HEXB: variants seen among roughly 807,000 people sequenced by gnomAD.
HEXB encodes the protein hexosaminidase subunit beta.
Under a neutral mutation model 71.2 loss-of-function variants are expected in HEXB, and 51 were observed. The observed-to-expected ratio is 0.72, with a 90% CI of 0.57 to 0.90. The LOEUF (loss-of-function observed/expected upper bound fraction) is 0.90. HEXB is among the 40% of genes least tolerant of loss of function. The probability of loss-of-function intolerance (pLI) is 0.00; values close to 1 mark genes in which losing one functional copy is unlikely to be tolerated. For missense variants in HEXB, 617 were observed against 677.0 expected (o/e 0.91, Z 0.98); for synonymous variants, 266 against 249.3 (o/e 1.07, Z -0.63).
chr5:74,715,433 T>C (rs1230783002), intron 7 of HEXB, 77 bp from the exon 8 acceptor site: 1 of 962,032 alleles, frequency 1.0e-6, no homozygotes, highest in Admixed American at 1.9e-5. Flanking sequence ...TAAAATGACG[T>C]AGTAAAATCA....
chr5:74,666,964 G>C (rs1296164225), intron 1 of HEXB, among the ~76,000 whole-genome samples: 1 of 152,038 alleles, frequency 6.6e-6, no homozygotes, highest in Non-Finnish European at 1.5e-5. Context: ...GTTTTTCTAT[G>C]TTGCTATTTT....
intron 1 of HEXB, among the ~76,000 whole-genome samples, chr5:74,644,840 C>T (rs1476699200): frequency 3.3e-5 from 4 of 120,352 alleles, no homozygotes; most frequent in Non-Finnish European, 4.8e-5. Context: ...GGCGCAATCT[C>T]GGCTCACTAC....
intron 5 of HEXB, among the ~76,000 whole-genome samples, chr5:74,703,971 G>A (rs773669281): frequency 8.5e-5 from 13 of 152,188 alleles, no homozygotes; most frequent in Non-Finnish European, 1.8e-4. Context: ...GAGCCACCGT[G>A]TCTGGCCTCA....
chr5:74,689,361 G>A lies in HEXB; in HGVS notation c.333G>A (p.Trp111Ter), dbSNP rs761117459. ...GCTATATTTTTGGTTTCTACAAGTG[G>A]CATCATGAACCTGCTGAATTCCAGG... ...YHGYIFGFYK[W>*]HHEPAEFQAK... The change falls in exon 2 of 14, where the codon TGG becomes TGA. Residue 111 changes from tryptophan to a stop codon, truncating the protein, a stop_gained. Coordinates refer to ENST00000261416, the MANE Select transcript of HEXB (RefSeq NM_000521.4). LOFTEE classifies it high-confidence loss of function. 3.7e-6 allele frequency: 6 copies of A among 1,613,032 alleles called. No individual in the cohort carries two copies. The African/African-American group carries it at 4.0e-5, about 11-fold the overall frequency.
chr5:74,645,732 T>G (rs1171041814), intron 1 of HEXB, among the ~76,000 whole-genome samples: 1 of 152,214 alleles, frequency 6.6e-6, no homozygotes, highest in Non-Finnish European at 1.5e-5. Flanking sequence ...GCTTATGTTG[T>G]TTCTACTCCA....
chr5:74,668,324 A>G, intron 1 of HEXB, among the ~76,000 whole-genome samples: 1 of 151,122 alleles, frequency 6.6e-6, no homozygotes. Context: ...GTTTTTTTAT[A>G]ACTTGTTCAT....
Position 74,689,357 on chromosome 5 carries a change from A to G in HEXB, c.329A>G (p.Lys110Arg). Residue 110 changes from lysine to arginine, a missense_variant, in exon 2 of 14, where the codon AAG (lysine) becomes AGG (arginine). Physicochemically the swap from Lys to Arg is conservative, Grantham distance 26. Coordinates refer to ENST00000261416, the MANE Select transcript of HEXB (RefSeq NM_000521.4). ...CATGGCTATATTTTTGGTTTCTACA[A>G]GTGGCATCATGAACCTGCTGAATTC... ...RYHGYIFGFY[K>R]WHHEPAEFQA... 1 of 1,613,400 alleles carries G rather than the reference A, an allele frequency of 6.2e-7. No individual in the cohort carries two copies. The highest frequency in any genetic ancestry group is 8.5e-7 in the Non-Finnish European group (1 of 1,179,326).
At chr5:74,647,332 C>T (rs1246684900) in intron 1 of HEXB, among the ~76,000 whole-genome samples, 1 of 152,184 alleles carries the variant, frequency 6.6e-6, no homozygotes, top group Admixed American at 6.5e-5. Context: ...GAAGAAGGGA[C>T]TAGAAGAAGG....
chr5:74,657,939 C>A (rs1748251464), intron 1 of HEXB, among the ~76,000 whole-genome samples: 1 of 152,210 alleles, frequency 6.6e-6, no homozygotes, highest in African/African-American at 2.4e-5. Flanking sequence ...GCTACTTGGT[C>A]TCTTTGAATC....
At chr5:74,664,430 T>TTAAAAAAAAAAAAAAAAAAAA (rs768901546) in intron 1 of HEXB, among the ~76,000 whole-genome samples, 6 of 79,630 alleles carry the variant, frequency 7.5e-5, no homozygotes, top group Admixed American at 1.4e-4. Context: ...ATTCTATCTC[T>TTAAAAAAAAAAAAAAAAAAAA]AAAAAAAAAA....
At chr5:74,702,344 C>T (rs1205674759) in intron 5 of HEXB, among the ~76,000 whole-genome samples, 1 of 152,046 alleles carries the variant, frequency 6.6e-6, no homozygotes, top group Non-Finnish European at 1.5e-5. Context: ...TCCCAAAGTG[C>T]TGGGATTACA....
intron 10 of HEXB, 29 bp downstream of exon 10, chr5:74,718,392 A>C: frequency 6.8e-7 from 1 of 1,468,766 alleles, no homozygotes; most frequent in Non-Finnish European, 9.5e-7. Context: ...GCATCTGATC[A>C]ATATAAGAGA....
chr5:74,646,636 C>T (rs1256527739), intron 1 of HEXB, among the ~76,000 whole-genome samples: 10 of 150,788 alleles, frequency 6.6e-5, no homozygotes, highest in South Asian at 2.1e-4. Flanking sequence ...GGCATGATCT[C>T]GGCTCACTGC....
At chr5:74,673,686 A>G (rs1302254401) in intron 1 of HEXB, among the ~76,000 whole-genome samples, 1 of 152,202 alleles carries the variant, frequency 6.6e-6, no homozygotes, top group Non-Finnish European at 1.5e-5. Context: ...GAAGTGAGTT[A>G]GGTGGAGACT....
chr5:74,680,395 C>A (rs1225340105), upstream of HEXB, among the ~76,000 whole-genome samples: 7 of 152,238 alleles, frequency 4.6e-5, 1 homozygote, highest in South Asian at 1.5e-3. Flanking sequence ...GAGTGGGAGG[C>A]AGATAACTTG....
chr5:74,699,643 TTAAC>T (rs1459389060), intron 5 of HEXB, among the ~76,000 whole-genome samples: 9 of 152,196 alleles, frequency 5.9e-5, no homozygotes, highest in African/African-American at 1.7e-4. Flanking sequence ...TCTAAGTTAA[TTAAC>T]TATTATCATA....
At chr5:74,669,998 CAG>C (rs1748502755) in intron 1 of HEXB, among the ~76,000 whole-genome samples, 1 of 152,154 alleles carries the variant, frequency 6.6e-6, no homozygotes, top group Admixed American at 6.5e-5. Flanking sequence ...CAATCCTAGG[CAG>C]ACAGGGGTGG....
chr5:74,716,761 A>G, intron 9 of HEXB, 88 bp downstream of exon 9: 1 of 838,726 alleles, frequency 1.2e-6, no homozygotes, highest in Non-Finnish European at 2.0e-6. Context: ...TTTTCTCTAC[A>G]TCCTTTGCCT....
upstream of HEXB, among the ~76,000 whole-genome samples, chr5:74,684,674 CTTTTTTT>C (rs1191674612): frequency 1.0e-4 from 14 of 133,904 alleles, no homozygotes; most frequent in South Asian, 2.5e-4. Context: ...TTTTTCTTTT[CTTTTTTT>C]TTTTTTTTTT....
Sources: gnomAD v4.1 joint callset for allele counts (sites outside exome capture counted in the v4.1 genomes callset) on GRCh38, gnomAD v4.1.1 for gene constraint, MANE v1.5 for transcripts, NCBI Gene and HGNC (gene_info 2026-07-23, HGNC 2026-07-21) for gene names.